OLAH: variants seen among roughly 807,000 people sequenced by gnomAD.
The protein encoded by OLAH is S-acyl fatty acid synthase thioesterase, medium chain.
OLAH carries 33 observed loss-of-function variants against 27.8 expected under a neutral mutation model. The ratio of observed to expected loss-of-function variants is 1.19; its 90% CI spans 0.90 to 1.59. The LOEUF is 1.59. Among genes scored for constraint, OLAH ranks in the 40% most tolerant of loss-of-function variants. The probability of loss-of-function intolerance (pLI) is 0.00; values close to 1 mark genes in which losing one functional copy is unlikely to be tolerated. For synonymous variants in OLAH, 120 were observed against 102.9 expected (o/e 1.17, Z -1.01); for missense variants, 359 against 310.8 (o/e 1.16, Z -1.17).
Position 15,061,790 on chromosome 10 carries a change from A to C in OLAH, c.230A>C (p.Gln77Pro). 6.2e-7 allele frequency: 1 copy of C among 1,613,964 alleles called. No individual in the cohort carries two copies. The highest frequency in any genetic ancestry group is 8.5e-7 in the Non-Finnish European group (1 of 1,179,940). ...VEEPLENDIS[Q>P]LVDEVVCALQ... ...GAACCTCTTGAAAATGACATCTCCCAGTTAGTTGATGAAGTTGTTTGTGCT... is the reference window on the plus strand; with the variant it reads ...GAACCTCTTGAAAATGACATCTCCCCGTTAGTTGATGAAGTTGTTTGTGCT... The change falls in exon 4 of 8, where the codon CAG becomes CCG. Residue 77 changes from glutamine to proline, a missense_variant. By Grantham distance (76) the Gln-to-Pro change is moderately conservative (BLOSUM62 -1). Transcript: ENST00000378228.
In OLAH at chr10:15,032,351, G is replaced by C. The variant is rs1243282405; in HGVS notation, c.-164+1G>C. 1 of 151,162 alleles carries C rather than the reference G, an allele frequency of 6.6e-6. No homozygotes were observed. The highest frequency in any genetic ancestry group is 2.4e-5 in the African/African-American group (1 of 41,092). 9.4% of individuals were successfully genotyped at this position (151,162 alleles called of 1,614,324 possible). A position where few individuals can be genotyped will look rare whatever the true frequency, so the allele number is the denominator to read the frequency against. On this transcript the variant is annotated splice_donor_variant, in intron 1 of 3. Coordinates refer to the OLAH transcript ENST00000413672. LOFTEE classifies it low-confidence loss of function (5UTR_SPLICE). Reference sequence around the variant, plus strand: ...ATTGTGAGACCTCACGTTGTCATATGTAAGTCAATTCTCCTTAATAAACTC... The same window carrying C: ...ATTGTGAGACCTCACGTTGTCATATCTAAGTCAATTCTCCTTAATAAACTC...
intron 4 of OLAH, among the ~76,000 whole-genome samples, chr10:15,062,802 G>A (rs971638610): frequency 3.3e-5 from 5 of 150,124 alleles, no homozygotes; most frequent in African/African-American, 1.2e-4. Flanking sequence ...GCAGTGGCAC[G>A]ATCTCAGCTC....
chr10:15,048,371 C>T (rs995203666), intron 2 of OLAH, among the ~76,000 whole-genome samples: 2 of 152,186 alleles, frequency 1.3e-5, no homozygotes, highest in African/African-American at 4.8e-5. Flanking sequence ...GTGCCCACCA[C>T]CACACCCAGC....
At chr10:15,070,453 T>C (rs1410740161) in intron 6 of OLAH, among the ~76,000 whole-genome samples, 1 of 152,208 alleles carries the variant, frequency 6.6e-6, no homozygotes, top group East Asian at 1.9e-4. Context: ...CTTTGTTCTC[T>C]GAACAATAGC....
chr10:15,056,932 C>A, intron 3 of OLAH: 2 of 1,507,692 alleles, frequency 1.3e-6, no homozygotes, highest in Non-Finnish European at 1.8e-6. Context: ...AGGCGTGAGC[C>A]ACCGTGCCTG....
intron 3 of OLAH, among the ~76,000 whole-genome samples, chr10:15,053,121 T>C (rs1458570025): frequency 6.6e-6 from 1 of 152,064 alleles, no homozygotes; most frequent in African/African-American, 2.4e-5. Context: ...TTTTAATATG[T>C]CATTTTCTTT....
intron 5 of OLAH, among the ~76,000 whole-genome samples, chr10:15,064,735 G>T (rs1247341542): frequency 6.6e-6 from 1 of 152,160 alleles, no homozygotes; most frequent in African/African-American, 2.4e-5. Context: ...TTGTCTCACT[G>T]CAACCTCTGC....
At position 15,056,812 on chromosome 10, in the gene OLAH, AT is replaced by A. The variant is rs914279711; in HGVS notation, c.164-4905del. 20 of 1,454,830 alleles carry A rather than the reference AT, an allele frequency of 1.4e-5. 1 individual carries two copies. Among genetic ancestry groups the A allele is most frequent in the South Asian group, 9.8e-5 (7 of 71,216 alleles). 90.1% of individuals were successfully genotyped at this position (1,454,830 alleles called of 1,614,324 possible). On this transcript the variant is annotated intron_variant, in intron 3 of 7. Coordinates refer to ENST00000378228, the MANE Select transcript of OLAH (RefSeq NM_001039702.3). ...TGCTCGGCTAATTTTATTTTATTTT[AT>A]TTTTTTGTAGAGACAGCATCTCACC...
intron 3 of OLAH, among the ~76,000 whole-genome samples, chr10:15,058,364 A>G (rs1844287746): frequency 6.6e-6 from 1 of 152,208 alleles, no homozygotes; most frequent in Non-Finnish European, 1.5e-5. Flanking sequence ...AAGTGCTGGA[A>G]TTATAGGCAT....
rs185400120 is a variant in OLAH at position 15,063,888 on chromosome 10, A to T, written c.303-515A>T. On this transcript the variant is annotated intron_variant, in intron 4 of 7. Transcript: ENST00000378228. ...ATCTGCTTAATGTCTGACATAATAG[A>T]AGGCAGATGGATTCTCATTTCTGTC... 3.3e-5 allele frequency among the ~76,000 whole-genome samples: 5 copies of T among 152,346 alleles called. No homozygotes were observed. The East Asian group carries it at 9.6e-4, about 29-fold the overall frequency.
intron 3 of OLAH, among the ~76,000 whole-genome samples, chr10:15,060,842 T>G (rs7078746): frequency 0.18 from 27,755 of 152,112 alleles, 2,752 homozygotes; most frequent in East Asian, 0.31. Flanking sequence ...CATTGTGAGT[T>G]TTACATTGTT....
intron 3 of OLAH, chr10:15,056,745 C>A (rs1380608672): frequency 1.1e-5 from 14 of 1,270,096 alleles, no homozygotes; most frequent in East Asian, 3.1e-5. Flanking sequence ...ATCCTCCCAC[C>A]TCAGCCTCCT....
rs374240734 is a variant in OLAH, at chr10:15,064,434, C to T, written c.334C>T (p.Leu112=). Residue 112 remains leucine (L), a synonymous_variant, in exon 5 of 8, where the codon CTA becomes TTA. Coordinates refer to ENST00000378228, the MANE Select transcript of OLAH (RefSeq NM_001039702.3). ...MGSYIAFRTA[L]GLKENNQPEP... ...ATCCTACATTGCTTTTAGGACTGCACTAGGTCTAAAAGAAAACAATCAACC... is the reference window on the plus strand; with the variant it reads ...ATCCTACATTGCTTTTAGGACTGCATTAGGTCTAAAAGAAAACAATCAACC... 2 of 1,602,018 alleles carry T rather than the reference C, an allele frequency of 1.2e-6. No homozygotes were observed. The highest frequency in any genetic ancestry group is 2.7e-5 in the African/African-American group (2 of 74,338).
At chr10:15,070,598 C>T (rs1242795761) in intron 6 of OLAH, among the ~76,000 whole-genome samples, 1 of 152,002 alleles carries the variant, frequency 6.6e-6, no homozygotes, top group African/African-American at 2.4e-5. Flanking sequence ...GATTCTCCTG[C>T]CTCTGCCTCC....
chr10:15,060,462 G>A (rs985546544), intron 3 of OLAH, among the ~76,000 whole-genome samples: 4 of 152,096 alleles, frequency 2.6e-5, no homozygotes, highest in Admixed American at 6.6e-5. Context: ...GAGCCACTAT[G>A]CCTGGCCAAC....
At chr10:15,071,268 C>A (rs1012769164) in intron 6 of OLAH, among the ~76,000 whole-genome samples, 4 of 152,172 alleles carry the variant, frequency 2.6e-5, no homozygotes, top group African/African-American at 9.7e-5. Context: ...ATAGCACCTT[C>A]CATCTCTCTC....
intron 6 of OLAH, among the ~76,000 whole-genome samples, chr10:15,070,730 C>T (rs1844567237): frequency 6.6e-6 from 1 of 151,828 alleles, no homozygotes; most frequent in African/African-American, 2.4e-5. Flanking sequence ...ATCCACCCAC[C>T]TCGGCCCCCC....
intron 3 of OLAH, among the ~76,000 whole-genome samples, chr10:15,060,774 T>C (rs1275030078): frequency 6.6e-6 from 1 of 152,172 alleles, no homozygotes; most frequent in African/African-American, 2.4e-5. Context: ...CTGGAGTTGT[T>C]ATGGGTCATA....
At chr10:15,045,701 AG>A (rs1844003921) in intron 1 of OLAH, among the ~76,000 whole-genome samples, 1 of 152,200 alleles carries the variant, frequency 6.6e-6, no homozygotes, top group South Asian at 2.1e-4. Context: ...CTGTGTTGAA[AG>A]TCACAACTGA....
Sources: allele counts gnomAD v4.1 joint callset (sites outside exome capture counted in the v4.1 genomes callset), GRCh38; gene constraint gnomAD v4.1.1; transcripts MANE v1.5; gene names NCBI Gene and HGNC (gene_info 2026-07-23, HGNC 2026-07-21).